The following TGM4 variants were observed in gnomAD, a reference collection of about 807,000 sequenced individuals.
TGM4 encodes transglutaminase 4.
TGM4 carries 61 observed loss-of-function variants against 76.3 expected under a neutral mutation model. That is an observed-to-expected ratio of 0.80 (90% CI 0.65 to 0.99). The LOEUF is 0.99. TGM4 is among the 50% of genes least tolerant of loss of function. The pLI is 0.00. For missense variants in TGM4, 794 were observed against 843.2 expected, an observed-to-expected ratio of 0.94 and a Z score of 0.72; for synonymous variants, 337 against 329.8, an observed-to-expected ratio of 1.02 and a Z score of -0.24.
intron 1 of TGM4, among the ~76,000 whole-genome samples, chr3:44,882,640 A>G (rs1699550087): frequency 6.6e-6 from 1 of 152,030 alleles, no homozygotes; most frequent in African/African-American, 2.4e-5. Context: ...TTGCCTTTCC[A>G]TGTCTCTTAT....
At chr3:44,881,319 A>G (rs968950326) in intron 1 of TGM4, among the ~76,000 whole-genome samples, 1 of 152,246 alleles carries the variant, frequency 6.6e-6, no homozygotes, top group African/African-American at 2.4e-5. Context: ...GCTGTATTTA[A>G]TAATCAAACT....
At chr3:44,887,413 G>A (rs1409788209) in intron 2 of TGM4, among the ~76,000 whole-genome samples, 1 of 152,218 alleles carries the variant, frequency 6.6e-6, no homozygotes, top group Admixed American at 6.5e-5. Flanking sequence ...ATGTGACAGA[G>A]GCAGGAGCTC....
At chr3:44,896,687 C>T in intron 5 of TGM4, 22 bp from the exon 6 acceptor site, 1 of 1,612,814 alleles carries the variant, frequency 6.2e-7, no homozygotes, top group Non-Finnish European at 8.5e-7. Flanking sequence ...TTAACTGCCT[C>T]TTTCTTCATT....
intron 6 of TGM4, among the ~76,000 whole-genome samples, chr3:44,897,314 A>C (rs539837334): frequency 1.1e-3 from 165 of 152,192 alleles, no homozygotes; most frequent in Non-Finnish European, 1.8e-3. Flanking sequence ...TTCAAGTCAG[A>C]CCTGAGTCTG....
intron 12 of TGM4, 64 bp from the exon 13 acceptor site, chr3:44,911,206 T>A: frequency 6.2e-7 from 1 of 1,610,828 alleles, no homozygotes; most frequent in Non-Finnish European, 8.5e-7. Flanking sequence ...CTAAGAACCC[T>A]GAGGGTCCTT....
chr3:44,899,101 G>A (rs138589355), intron 6 of TGM4: 1 of 152,312 alleles, frequency 6.6e-6, no homozygotes, highest in African/African-American at 2.4e-5. Flanking sequence ...GTGATTATGA[G>A]GTCTCAATAA....
Position 44,878,508 on chromosome 3 carries a change from G to T in TGM4, c.19+3811G>T, listed in dbSNP as rs541620329. ...TTATTATTATTATTATTTGAGATGA[G>T]GTCTCACTCTGTCACCCAGGCTGGA... On this transcript the variant is annotated intron_variant, in intron 1 of 13. Transcript: ENST00000296125. Among the ~76,000 whole-genome samples, 512 of 146,318 alleles carry T rather than the reference G, an allele frequency of 3.5e-3. 3 individuals carry two copies. Among genetic ancestry groups the T allele is most frequent in the African/African-American group, 0.012 (470 of 39,786 alleles).
intron 1 of TGM4, among the ~76,000 whole-genome samples, chr3:44,881,152 C>T (rs1051507852): frequency 3.3e-5 from 5 of 151,808 alleles, no homozygotes; most frequent in South Asian, 2.1e-4. Context: ...TGCAGTGAGC[C>T]GTGTTCACAC....
At chr3:44,908,414 T>G (rs910474140) in intron 10 of TGM4, among the ~76,000 whole-genome samples, 2 of 135,224 alleles carry the variant, frequency 1.5e-5, no homozygotes, top group Admixed American at 1.4e-4. Context: ...TTGTTTTTTG[T>G]TTTTTTTGCA....
intron 13 of TGM4, among the ~76,000 whole-genome samples, chr3:44,913,008 C>G (rs1205766755): frequency 1.3e-5 from 2 of 152,164 alleles, no homozygotes; most frequent in Non-Finnish European, 2.9e-5. Flanking sequence ...CTGAATCTTC[C>G]AAGTAAAAAT....
chr3:44,880,222 A>G (rs1699513737), intron 1 of TGM4, among the ~76,000 whole-genome samples: 1 of 152,206 alleles, frequency 6.6e-6, no homozygotes, highest in African/African-American at 2.4e-5. Context: ...GCTCACCTTG[A>G]GTGTGACTTT....
At chr3:44,890,339 C>A in intron 3 of TGM4, 1 of 372,158 alleles carries the variant, frequency 2.7e-6, no homozygotes, top group Non-Finnish European at 5.0e-6. Context: ...GAGTGAATCT[C>A]AGGGAGGTGA....
intron 13 of TGM4, among the ~76,000 whole-genome samples, chr3:44,912,271 T>C (rs1700015281): frequency 6.6e-6 from 1 of 152,250 alleles, no homozygotes; most frequent in Non-Finnish European, 1.5e-5. Context: ...TATTCTCTTA[T>C]GCTTTTTCTA....
intron 1 of TGM4, among the ~76,000 whole-genome samples, chr3:44,877,831 T>C (rs913464906): frequency 2.0e-5 from 3 of 152,226 alleles, no homozygotes; most frequent in African/African-American, 7.2e-5. Flanking sequence ...CTCTTACAAA[T>C]ATTGTCACAC....
intron 11 of TGM4, 81 bp downstream of exon 11, chr3:44,910,449 A>G: frequency 1.3e-6 from 2 of 1,490,082 alleles, no homozygotes; most frequent in Non-Finnish European, 1.8e-6. Flanking sequence ...TCTGTGGACA[A>G]CTTCCATACA....
rs761786714 is a variant in TGM4 at position 44,901,983 on chromosome 3, T to G, written c.971+52T>G. On this transcript the variant is annotated intron_variant, in intron 8 of 13. Coordinates refer to ENST00000296125, the MANE Select transcript of TGM4 (RefSeq NM_003241.4). Reference sequence around the variant, plus strand: ...CTGTCTCCTTCTCCCAGGAATTTTCTTTTTTCTTTTTAGAAACAGGGTCTC... The same window carrying G: ...CTGTCTCCTTCTCCCAGGAATTTTCGTTTTTCTTTTTAGAAACAGGGTCTC... 6.3e-6 allele frequency: 10 copies of G among 1,585,364 alleles called. No individual in the cohort carries two copies. In the Admixed American group the frequency reaches 1.8e-4, roughly 28 times the overall value.
Position 44,893,669 on chromosome 3 carries a change from A to C in TGM4, c.523A>C (p.Lys175Gln), listed in dbSNP as rs1030172259. 2 of 1,613,890 alleles carry C rather than the reference A, an allele frequency of 1.2e-6. No homozygotes were observed. The change falls in exon 5 of 14, where the codon AAA becomes CAA. Residue 175 changes from lysine (K) to glutamine (Q), a missense_variant. Coordinates refer to ENST00000296125, the MANE Select transcript of TGM4 (RefSeq NM_003241.4). ...CHYVGAARSI[K>Q]CKPWNFGQFE... ...TTACGTGGGGGCTGCCAGAAGTATCAAATGCAAACCCTGGAACTTTGGTCA... is the reference window on the plus strand; with the variant it reads ...TTACGTGGGGGCTGCCAGAAGTATCCAATGCAAACCCTGGAACTTTGGTCA...
At chr3:44,897,255 C>T (rs1053450016) in intron 6 of TGM4, among the ~76,000 whole-genome samples, 16 of 152,282 alleles carry the variant, frequency 1.1e-4, no homozygotes, top group South Asian at 2.1e-4. Flanking sequence ...CCACCCGCCT[C>T]GGACTCCCAA....
At chr3:44,912,584 T>C (rs1257453299) in intron 13 of TGM4, among the ~76,000 whole-genome samples, 2 of 152,206 alleles carry the variant, frequency 1.3e-5, no homozygotes, top group Admixed American at 6.5e-5. Flanking sequence ...CATTTTTGTC[T>C]ATAGCACTTT....
Sources: gnomAD v4.1 joint callset for allele counts (sites outside exome capture counted in the v4.1 genomes callset) on GRCh38, gnomAD v4.1.1 for gene constraint, MANE v1.5 for transcripts, NCBI Gene and HGNC (gene_info 2026-07-23, HGNC 2026-07-21) for gene names.